The following LRRC37A2 variants were observed in gnomAD, a reference collection of about 807,000 sequenced individuals.
The protein encoded by LRRC37A2 is leucine-rich repeat-containing protein 37A2.
LRRC37A2 carries 9 observed loss-of-function variants against 68.8 expected under a neutral mutation model. That is an observed-to-expected ratio of 0.13 (90% confidence interval 0.08 to 0.23). The LOEUF is 0.23. Among genes scored for constraint, LRRC37A2 ranks in the 10% least tolerant of loss-of-function variants. LRRC37A2 has a pLI of 1.00. For missense variants in LRRC37A2, 168 were observed against 950.4 expected (o/e 0.18, Z 10.82); for synonymous variants, 63 against 367.6 (o/e 0.17, Z 9.48).
intron 6 of LRRC37A2, 127 bp from the exon 6 acceptor site, chr17:46,540,048 TA>T (rs1478479472): frequency 2.1e-6 from 2 of 932,820 alleles, no homozygotes; most frequent in Admixed American, 6.0e-5. Flanking sequence ...GGTGATTTCT[TA>T]GGTAAAGACA....
At chr17:46,737,315 T>C in the LRRC37A2 span, among the ~76,000 whole-genome samples, 1 of 152,210 alleles carries the variant, frequency 6.6e-6, no homozygotes, top group South Asian at 2.1e-4. Flanking sequence ...GGTTACCAGA[T>C]TTAGCAGATA....
chr17:46,814,334 T>G, the LRRC37A2 span, among the ~76,000 whole-genome samples: 1 of 152,254 alleles, frequency 6.6e-6, no homozygotes, highest in Non-Finnish European at 1.5e-5. Flanking sequence ...TTATAACGTT[T>G]GACCTGTTTT....
the LRRC37A2 span, among the ~76,000 whole-genome samples, chr17:46,799,446 CT>C: frequency 0.59 from 72,016 of 121,182 alleles, 20,675 homozygotes; most frequent in South Asian, 0.66. Context: ...ATTATTTCTA[CT>C]TTTTTTTTTT....
the LRRC37A2 span, among the ~76,000 whole-genome samples, chr17:46,635,816 T>TGC: frequency 1.4e-5 from 2 of 140,712 alleles, no homozygotes; most frequent in African/African-American, 5.2e-5. Flanking sequence ...TGTGTGTGTG[T>TGC]GTGCTCGTGT....
At chr17:46,786,032 A>T in the LRRC37A2 span, among the ~76,000 whole-genome samples, 2 of 152,196 alleles carry the variant, frequency 1.3e-5, no homozygotes, top group Non-Finnish European at 2.9e-5. Flanking sequence ...TGTTGTGAGC[A>T]TGAAGTGCTT....
At chr17:46,631,077 C>CACACACACACACACACACACA in the LRRC37A2 span, among the ~76,000 whole-genome samples, 1 of 144,856 alleles carries the variant, frequency 6.9e-6, no homozygotes, top group Non-Finnish European at 1.5e-5. Context: ...CACACACACA[C>CACACACACACACACACACACA]ACACACACAC....
At chr17:46,927,172 C>A in the LRRC37A2 span, among the ~76,000 whole-genome samples, 8 of 152,122 alleles carry the variant, frequency 5.3e-5, no homozygotes, top group East Asian at 1.2e-3. Context: ...TATTGATTGA[C>A]CATTTGGGTT....
chr17:46,499,824 AAATT>A, the LRRC37A2 span, among the ~76,000 whole-genome samples: 1 of 46,648 alleles, frequency 2.1e-5, no homozygotes, highest in Non-Finnish European at 3.4e-5. Context: ...AAAATACGAG[AAATT>A]AATTAAATAA....
chr17:46,825,472 C>T, the LRRC37A2 span, among the ~76,000 whole-genome samples: 2 of 152,366 alleles, frequency 1.3e-5, no homozygotes, highest in South Asian at 2.1e-4. Flanking sequence ...CAAGGCTCCA[C>T]GAGGAATGGG....
At chr17:46,941,409 G>GC in the LRRC37A2 span, 1 of 982,802 alleles carries the variant, frequency 1.0e-6, no homozygotes, top group Non-Finnish European at 1.2e-6. Flanking sequence ...ATAACTAATG[G>GC]CCCCCTTTTT....
the LRRC37A2 span, among the ~76,000 whole-genome samples, chr17:46,745,003 G>C: frequency 6.6e-6 from 1 of 151,644 alleles, no homozygotes; most frequent in Non-Finnish European, 1.5e-5. Flanking sequence ...AGTATGCTGG[G>C]AGCAATTTCT....
the LRRC37A2 span, among the ~76,000 whole-genome samples, chr17:46,915,321 C>T: frequency 6.6e-6 from 1 of 152,176 alleles, no homozygotes; most frequent in South Asian, 2.1e-4. Context: ...ATGGTGGCCT[C>T]AGGTTGCTGG....
the LRRC37A2 span, among the ~76,000 whole-genome samples, chr17:46,502,171 G>C: frequency 1.3e-5 from 2 of 151,124 alleles, no homozygotes; most frequent in African/African-American, 2.5e-5. Context: ...GCTCATCGCT[G>C]ATGCAGTAAT....
chr17:46,690,644 G>A, the LRRC37A2 span, among the ~76,000 whole-genome samples: 1 of 110,002 alleles, frequency 9.1e-6, no homozygotes, highest in African/African-American at 3.5e-5. Context: ...TATATATATT[G>A]TATAGGGATG....
At chr17:46,430,988 CAGTTG>C in the LRRC37A2 span, among the ~76,000 whole-genome samples, 1 of 45,282 alleles carries the variant, frequency 2.2e-5, no homozygotes, top group Non-Finnish European at 6.8e-5. Flanking sequence ...CTGGCAACTA[CAGTTG>C]AGTTACTTAC....
At chr17:46,979,104 C>T in the LRRC37A2 span, 7 of 1,194,514 alleles carry the variant, frequency 5.9e-6, no homozygotes, top group Non-Finnish European at 7.5e-6. Flanking sequence ...CCCCTCGGAC[C>T]GGCTCCTGCG....
At chr17:46,781,594 G>T in the LRRC37A2 span, among the ~76,000 whole-genome samples, 3 of 152,200 alleles carry the variant, frequency 2.0e-5, no homozygotes, top group Non-Finnish European at 2.9e-5. Flanking sequence ...GTTCTGGAAG[G>T]GAGGGAGTGG....
At chr17:46,800,911 G>C in the LRRC37A2 span, among the ~76,000 whole-genome samples, 1 of 152,320 alleles carries the variant, frequency 6.6e-6, no homozygotes, top group Admixed American at 6.5e-5. Context: ...CTGAACAGGA[G>C]TTTGTAGTCA....
the LRRC37A2 span, among the ~76,000 whole-genome samples, chr17:46,984,425 C>G: frequency 8.5e-5 from 13 of 152,268 alleles, no homozygotes; most frequent in African/African-American, 3.1e-4. Flanking sequence ...TGGCTGCCTC[C>G]CCCTGCTCTA....
Sources: allele counts gnomAD v4.1 joint callset (sites outside exome capture counted in the v4.1 genomes callset), GRCh38; gene constraint gnomAD v4.1.1; transcripts MANE v1.5; gene names NCBI Gene and HGNC (gene_info 2026-07-23, HGNC 2026-07-21).